Variants in KLF12 observed in about 807,000 individuals in gnomAD.
The protein encoded by KLF12 is KLF transcription factor 12, also known as Krueppel-like factor 12.
KLF12 carries 9 observed loss-of-function variants against 37.8 expected under a neutral mutation model. The ratio of observed to expected loss-of-function variants is 0.24; its 90% CI spans 0.14 to 0.42. The LOEUF is 0.42. KLF12 is among the 10% of genes least tolerant of loss of function. The pLI, the probability that KLF12 is intolerant of heterozygous loss-of-function variation, is 1.00. For missense variants in KLF12, 411 were observed against 516.0 expected (o/e 0.80, Z 1.97); for synonymous variants, 208 against 202.1 (o/e 1.03, Z -0.25).
At chr13:74,197,337 C>G in the KLF12 span, among the ~76,000 whole-genome samples, 1 of 152,000 alleles carries the variant, frequency 6.6e-6, no homozygotes, top group Non-Finnish European at 1.5e-5. Flanking sequence ...TAAAAACAAA[C>G]CAATATTATT....
At chr13:74,107,785 G>C (rs1876735626) in intron 1 of KLF12, among the ~76,000 whole-genome samples, 2 of 152,318 alleles carry the variant, frequency 1.3e-5, no homozygotes, top group South Asian at 2.1e-4. Context: ...CTGGGTCAGA[G>C]CAGGAATCGA....
chr13:73,698,318 G>A (rs1052893390), intron 7 of KLF12, among the ~76,000 whole-genome samples: 21 of 152,178 alleles, frequency 1.4e-4, no homozygotes, highest in African/African-American at 4.8e-4. Flanking sequence ...GGGAGGAGAG[G>A]TAGACAAGAA....
chr13:74,024,428 G>C (rs1892919308), intron 1 of KLF12, among the ~76,000 whole-genome samples: 1 of 152,156 alleles, frequency 6.6e-6, no homozygotes, highest in Non-Finnish European at 1.5e-5. Flanking sequence ...TTTAAAAAAT[G>C]AGTATACGCA....
chr13:73,733,495 C>T (rs918271436), intron 6 of KLF12, among the ~76,000 whole-genome samples: 2 of 152,084 alleles, frequency 1.3e-5, no homozygotes, highest in Non-Finnish European at 2.9e-5. Flanking sequence ...AATTTCATTG[C>T]TTTCTAATGC....
intron 1 of KLF12, among the ~76,000 whole-genome samples, chr13:74,014,719 T>C (rs987225121): frequency 6.6e-6 from 1 of 152,210 alleles, no homozygotes; most frequent in Non-Finnish European, 1.5e-5. Context: ...ATCCAAAAAT[T>C]TTCTGCAGGC....
chr13:74,298,899 G>T, the KLF12 span, among the ~76,000 whole-genome samples: 803 of 152,254 alleles, frequency 5.3e-3, 6 homozygotes, highest in African/African-American at 0.018. Context: ...AAACAGCGTT[G>T]TGAGAATTCA....
the KLF12 span, among the ~76,000 whole-genome samples, chr13:74,263,531 C>T: frequency 6.6e-6 from 1 of 152,146 alleles, no homozygotes; most frequent in East Asian, 1.9e-4. Flanking sequence ...TAATATTTAT[C>T]TGTTTATAGC....
chr13:74,004,803 A>T (rs972180273), intron 1 of KLF12, among the ~76,000 whole-genome samples: 1 of 152,156 alleles, frequency 6.6e-6, no homozygotes, highest in Non-Finnish European at 1.5e-5. Context: ...CTTTCCTTAA[A>T]TCATTTAAGG....
chr13:74,152,895 A>G, the KLF12 span, among the ~76,000 whole-genome samples: 29 of 36,568 alleles, frequency 7.9e-4, no homozygotes, highest in African/African-American at 1.6e-3. Context: ...GATAATAATA[A>G]TAATAATAAT....
chr13:74,004,442 C>A (rs1432130801), intron 1 of KLF12, among the ~76,000 whole-genome samples: 1 of 152,116 alleles, frequency 6.6e-6, no homozygotes, highest in Non-Finnish European at 1.5e-5. Flanking sequence ...TAACAAGCGG[C>A]AAAGGCAGAA....
the KLF12 span, among the ~76,000 whole-genome samples, chr13:74,242,953 C>A: frequency 1.3e-5 from 2 of 152,168 alleles, no homozygotes; most frequent in African/African-American, 4.8e-5. Context: ...CTTTTCTTTT[C>A]TTTTACTTTA....
the KLF12 span, among the ~76,000 whole-genome samples, chr13:74,293,118 A>G: frequency 6.6e-6 from 1 of 152,214 alleles, no homozygotes; most frequent in African/African-American, 2.4e-5. Context: ...TGAGCCAAGC[A>G]GAAATATTTC....
At chr13:74,227,615 A>G in the KLF12 span, among the ~76,000 whole-genome samples, 1 of 152,108 alleles carries the variant, frequency 6.6e-6, no homozygotes, top group Non-Finnish European at 1.5e-5. Flanking sequence ...TTACCTCCAT[A>G]CATAGGCTTA....
In KLF12 at chr13:74,096,674, T is replaced by G. The variant is rs151145584; in HGVS notation, c.-32+37065A>C. Among the ~76,000 whole-genome samples the G allele has an allele frequency of 4.2e-4, 64 of 152,340 alleles. 1 individual carries two copies. The East Asian group carries it at 9.1e-3, about 22-fold the overall frequency. Reference sequence around the variant, plus strand: ...CGAGAAAACTCTACCAGTGTCATTTTCCTTTTATCCTTGGTTCACAACGTG... The same window carrying G: ...CGAGAAAACTCTACCAGTGTCATTTGCCTTTTATCCTTGGTTCACAACGTG... On this transcript the variant is annotated intron_variant, in intron 1 of 7. Coordinates refer to ENST00000377669, the MANE Select transcript of KLF12 (RefSeq NM_007249.5).
chr13:74,149,436 T>C, the KLF12 span, among the ~76,000 whole-genome samples: 293 of 152,332 alleles, frequency 1.9e-3, no homozygotes, highest in Admixed American at 5.4e-3. Context: ...AAGCTTAGTA[T>C]TATCTTTGAT....
chr13:73,878,555 G>A (rs1040069153), intron 3 of KLF12, among the ~76,000 whole-genome samples: 5 of 152,090 alleles, frequency 3.3e-5, no homozygotes, highest in African/African-American at 1.2e-4. Flanking sequence ...CCTCTGCCTT[G>A]GCTCCGGTTA....
chr13:74,207,107 A>G, the KLF12 span, among the ~76,000 whole-genome samples: 1 of 152,296 alleles, frequency 6.6e-6, no homozygotes, highest in Middle Eastern at 3.4e-3. Flanking sequence ...AGAGAGGTTG[A>G]GAGAGTACAA....
At chr13:73,899,221 TG>T (rs1887927913) in intron 3 of KLF12, among the ~76,000 whole-genome samples, 2 of 152,158 alleles carry the variant, frequency 1.3e-5, no homozygotes, top group African/African-American at 4.8e-5. Context: ...AAAGCAAGCA[TG>T]ATCTATATGG....
intron 1 of KLF12, among the ~76,000 whole-genome samples, chr13:74,103,624 T>C (rs1876487669): frequency 6.6e-6 from 1 of 152,200 alleles, no homozygotes; most frequent in South Asian, 2.1e-4. Context: ...CTATTTGTAT[T>C]TAACTATACT....
Sources: allele counts gnomAD v4.1 joint callset (sites outside exome capture counted in the v4.1 genomes callset), GRCh38; gene constraint gnomAD v4.1.1; transcripts MANE v1.5; gene names NCBI Gene and HGNC (gene_info 2026-07-23, HGNC 2026-07-21).